The following RBFOX1 variants were observed in gnomAD, a reference collection of about 807,000 sequenced individuals.
The protein encoded by RBFOX1 is RNA binding protein fox-1 homolog 1.
In RBFOX1, 8 loss-of-function variants were observed where a neutral mutation model predicts 57.7. The observed-to-expected ratio is 0.14, with a 90% confidence interval of 0.08 to 0.25. The LOEUF (loss-of-function observed/expected upper bound fraction) is 0.25. Among genes scored for constraint, RBFOX1 ranks in the 10% least tolerant of loss-of-function variants. The pLI is 1.00. For missense variants in RBFOX1, 611 were observed against 548.5 expected, an observed-to-expected ratio of 1.11 and a Z score of -1.14; for synonymous variants, 326 against 222.4, an observed-to-expected ratio of 1.47 and a Z score of -4.15.
chr16:6,733,427 A>G (rs910098211), intron 3 of RBFOX1, among the ~76,000 whole-genome samples: 1 of 152,228 alleles, frequency 6.6e-6, no homozygotes, highest in African/African-American at 2.4e-5. Context: ...ACTCAGTCCT[A>G]CAGCCTTCCT....
intron 5 of RBFOX1, among the ~76,000 whole-genome samples, chr16:7,531,499 C>T (rs1450559360): frequency 1.3e-5 from 2 of 152,128 alleles, no homozygotes; most frequent in East Asian, 3.9e-4. Flanking sequence ...GGATGTTGCC[C>T]AAGGTCACAA....
chr16:7,197,585 G>GTGA (rs2087054349), intron 4 of RBFOX1, among the ~76,000 whole-genome samples: 1 of 151,638 alleles, frequency 6.6e-6, no homozygotes, highest in Non-Finnish European at 1.5e-5. Context: ...TTTATTTGCA[G>GTGA]TAACATTGAA....
At chr16:7,366,254 A>G (rs1179133473) in intron 4 of RBFOX1, among the ~76,000 whole-genome samples, 1 of 152,194 alleles carries the variant, frequency 6.6e-6, no homozygotes, top group Admixed American at 6.5e-5. Flanking sequence ...ACATTTGTAA[A>G]TCCGATGTTG....
At chr16:5,371,822 T>C (rs2065864100) in intron 1 of RBFOX1, among the ~76,000 whole-genome samples, 1 of 152,206 alleles carries the variant, frequency 6.6e-6, no homozygotes, top group Admixed American at 6.5e-5. Context: ...TGCTCCCACC[T>C]GAGGGAGAAA....
At chr16:7,320,489 T>A (rs1274044602) in intron 4 of RBFOX1, among the ~76,000 whole-genome samples, 1 of 152,374 alleles carries the variant, frequency 6.6e-6, no homozygotes, top group Non-Finnish European at 1.5e-5. Flanking sequence ...TGATGGGCAT[T>A]TGTGTTGATT....
rs141481206 is a variant in RBFOX1 at position 7,290,754 on chromosome 16, G to A, written c.28-227393G>A. On this transcript the variant is annotated intron_variant, in intron 4 of 15. Coordinates refer to ENST00000550418, the MANE Select transcript of RBFOX1 (RefSeq NM_018723.4). ...GTGTCCGTGTGTACAGGATGGGGGC[G>A]TGGAAGATAGACAGAAAATAGACAA... is the stretch of plus-strand genomic sequence containing the variant. Among the ~76,000 whole-genome samples the A allele has an allele frequency of 7.2e-5, 11 of 152,290 alleles. No homozygotes were observed. The East Asian group carries it at 1.2e-3, about 16-fold the overall frequency.
intron 3 of RBFOX1, among the ~76,000 whole-genome samples, chr16:6,887,916 C>T (rs1466624096): frequency 6.6e-6 from 1 of 152,112 alleles, no homozygotes; most frequent in African/African-American, 2.4e-5. Flanking sequence ...CCCGTCATGG[C>T]CTCCCAAAGT....
chr16:6,178,528 A>C (rs1253369140), intron 1 of RBFOX1, among the ~76,000 whole-genome samples: 1 of 152,162 alleles, frequency 6.6e-6, no homozygotes, highest in East Asian at 1.9e-4. Flanking sequence ...AAGCATTTCT[A>C]AAATGTGTTT....
rs752410748 is a variant in RBFOX1 at position 7,344,524 on chromosome 16, A to C, written c.28-173623A>C. Among the ~76,000 whole-genome samples, 74 of 151,034 alleles carry C rather than the reference A, an allele frequency of 4.9e-4. 1 individual carries two copies. The highest frequency in any genetic ancestry group is 3.1e-3 in the Admixed American group (47 of 15,100). On this transcript the variant is annotated intron_variant, in intron 4 of 15. Transcript: ENST00000550418. Reference sequence around the variant, plus strand: ...TAATTATATATAATGATTAGATGACACATATCATTGTGTAATACTGTATAA... The same window carrying C: ...TAATTATATATAATGATTAGATGACCCATATCATTGTGTAATACTGTATAA...
chr16:5,967,003 G>GGGT (rs1567200564), intron 4 of RBFOX1, among the ~76,000 whole-genome samples: 2 of 100,552 alleles, frequency 2.0e-5, no homozygotes, highest in East Asian at 3.6e-4. Context: ...GGGGGGGGGG[G>GGGT]GTCAATAAAT....
rs75041762 is a variant in RBFOX1, at chr16:7,602,190, T to A, written c.622+4759T>A. The stretch of plus-strand genomic sequence containing the variant: ...CACCCAATGCAGTCATAGTTAACAC[T>A]GGAGGTCTTAACCAGCATATTTTAG... On this transcript the variant is annotated intron_variant, in intron 9 of 15. Coordinates refer to ENST00000550418, the MANE Select transcript of RBFOX1 (RefSeq NM_018723.4). 3.0e-4 allele frequency among the ~76,000 whole-genome samples: 45 copies of A among 152,348 alleles called. No homozygotes were observed. In the East Asian group the frequency reaches 8.1e-3, roughly 27 times the overall value.
intron 3 of RBFOX1, among the ~76,000 whole-genome samples, chr16:5,710,646 G>A (rs1008448229): frequency 6.6e-6 from 1 of 152,162 alleles, no homozygotes; most frequent in African/African-American, 2.4e-5. Flanking sequence ...TTAAAGAATT[G>A]CGTGCAGTGG....
At chr16:5,750,659 T>C (rs1214598214) in intron 3 of RBFOX1, among the ~76,000 whole-genome samples, 2 of 152,206 alleles carry the variant, frequency 1.3e-5, no homozygotes, top group Non-Finnish European at 1.5e-5. Flanking sequence ...CGTGGGACCC[T>C]CTGAGCCAGG....
intron 3 of RBFOX1, among the ~76,000 whole-genome samples, chr16:5,767,980 G>A (rs987831908): frequency 2.0e-5 from 3 of 152,232 alleles, no homozygotes; most frequent in Non-Finnish European, 4.4e-5. Context: ...GTTAAAAAAT[G>A]TTAAGAAACA....
intron 3 of RBFOX1, among the ~76,000 whole-genome samples, chr16:5,865,330 A>G (rs2057320841): frequency 6.6e-6 from 1 of 152,126 alleles, no homozygotes; most frequent in South Asian, 2.1e-4. Flanking sequence ...CTGCTTTCCC[A>G]GTCCTGAACG....
At chr16:5,756,500 C>G (rs916906836) in intron 3 of RBFOX1, among the ~76,000 whole-genome samples, 1 of 152,108 alleles carries the variant, frequency 6.6e-6, no homozygotes, top group African/African-American at 2.4e-5. Flanking sequence ...TTACCTCCTT[C>G]TCCATCCAGG....
At chr16:6,965,045 C>G (rs961182504) in intron 3 of RBFOX1, among the ~76,000 whole-genome samples, 2 of 152,108 alleles carry the variant, frequency 1.3e-5, no homozygotes, top group Non-Finnish European at 2.9e-5. Context: ...CTAGGTTCTC[C>G]TCCTTCCCTG....
intron 4 of RBFOX1, among the ~76,000 whole-genome samples, chr16:7,163,187 A>G (rs1176202514): frequency 6.6e-6 from 1 of 152,086 alleles, no homozygotes; most frequent in Non-Finnish European, 1.5e-5. Context: ...AGATTTGAAA[A>G]GGTTTTGACT....
At chr16:5,981,209 C>A (rs1218399118) in intron 4 of RBFOX1, among the ~76,000 whole-genome samples, 1 of 151,828 alleles carries the variant, frequency 6.6e-6, no homozygotes, top group African/African-American at 2.4e-5. Flanking sequence ...TGCGCCTTGG[C>A]AGCAGCAATG....
Sources: allele counts gnomAD v4.1 joint callset (sites outside exome capture counted in the v4.1 genomes callset), GRCh38; gene constraint gnomAD v4.1.1; transcripts MANE v1.5; gene names NCBI Gene and HGNC (gene_info 2026-07-23, HGNC 2026-07-21).